CIT: variants seen among roughly 807,000 people sequenced by gnomAD.
CIT encodes the protein citron rho-interacting serine/threonine kinase, also known as citron Rho-interacting kinase.
In CIT, 79 loss-of-function variants were observed where a neutral mutation model predicts 272.7. The ratio of observed to expected loss-of-function variants is 0.29; its 90% CI spans 0.24 to 0.35. CIT has a LOEUF of 0.35. Among genes scored for constraint, CIT ranks in the 10% least tolerant of loss-of-function variants. CIT has a pLI of 1.00. For missense variants in CIT, 1,909 were observed against 2,618.3 expected (o/e 0.73, Z 5.91); for synonymous variants, 948 against 995.6 (o/e 0.95, Z 0.90).
chr12:119,713,150 G>A lies in CIT; in HGVS notation c.4579+53C>T. The A allele has an allele frequency of 7.3e-7, 1 of 1,376,344 alleles. No individual in the cohort carries two copies. Among genetic ancestry groups the A allele is most frequent in the Non-Finnish European group, 1.0e-6 (1 of 973,998 alleles). 85.3% of individuals were successfully genotyped at this position (1,376,344 alleles called of 1,614,324 possible). ...AACAAAGCCTTCGCGCCAGCACTGG[G>A]GAGACCTGGGTTAGCCACGTGCAAT... On this transcript the variant is annotated intron_variant, in intron 35 of 47. Coordinates refer to ENST00000392521, the MANE Select transcript of CIT (RefSeq NM_001206999.2). This position sits in a 1 kb window ranked among gnomAD's most constrained non-coding sequence, Gnocchi z 5.2.
rs1253459727 is a variant in CIT, at chr12:119,713,308, G to A, written c.4488-14C>T. On this transcript the variant is annotated splice_polypyrimidine_tract_variant and intron_variant, in intron 34 of 47. Coordinates refer to ENST00000392521, the MANE Select transcript of CIT (RefSeq NM_001206999.2). This position sits in a 1 kb window ranked among gnomAD's most constrained non-coding sequence, Gnocchi z 5.2. ...CGTTTGTTATTCCTGGGGAAAGAAAGATGGAAAAGAAAAATGTCTGAACTC... is the reference window on the plus strand; with the variant it reads ...CGTTTGTTATTCCTGGGGAAAGAAAAATGGAAAAGAAAAATGTCTGAACTC... 6.2e-7 allele frequency: 1 copy of A among 1,611,790 alleles called. No individual in the cohort carries two copies. The highest frequency in any genetic ancestry group is 1.7e-5 in the Admixed American group (1 of 59,874).
chr12:119,771,256 T>C (rs1172992435), intron 17 of CIT, among the ~76,000 whole-genome samples: 2 of 152,080 alleles, frequency 1.3e-5, no homozygotes, highest in Admixed American at 1.3e-4. Context: ...GGAAGAACCA[T>C]AAAGCAAAGA....
At chr12:119,789,867 A>G (rs1372946049) in intron 10 of CIT, among the ~76,000 whole-genome samples, 1 of 150,240 alleles carries the variant, frequency 6.7e-6, no homozygotes, top group Non-Finnish European at 1.5e-5. Context: ...CACCACGCCC[A>G]GCAAATTTTT....
At chr12:119,823,815 G>A (rs576968884) in intron 8 of CIT, among the ~76,000 whole-genome samples, 5 of 151,960 alleles carry the variant, frequency 3.3e-5, no homozygotes, top group East Asian at 3.9e-4. Flanking sequence ...CGAGGCAGGC[G>A]GATCACCTAA....
At chr12:119,740,877 G>T (rs1294077266) in intron 24 of CIT, among the ~76,000 whole-genome samples, 1 of 152,116 alleles carries the variant, frequency 6.6e-6, no homozygotes, top group Non-Finnish European at 1.5e-5. Flanking sequence ...GACATTTTAA[G>T]GCAGGCCCAT....
chr12:119,736,879 A>G (rs1958795423), intron 24 of CIT, among the ~76,000 whole-genome samples: 1 of 152,056 alleles, frequency 6.6e-6, no homozygotes, highest in African/African-American at 2.4e-5. Flanking sequence ...TCCTCCCCCT[A>G]CCTCTTTCCC....
chr12:119,690,458 G>A lies in CIT; in HGVS notation c.5883-4C>T. ...TGGGCCTCGCTTGTTGGGGCTGCTGGCGACACAAGAGGAACGTAGGGAGCT... is the reference window on the plus strand; with the variant it reads ...TGGGCCTCGCTTGTTGGGGCTGCTGACGACACAAGAGGAACGTAGGGAGCT... On this transcript the variant is annotated splice_polypyrimidine_tract_variant and splice_region_variant and intron_variant, in intron 46 of 47. Coordinates refer to ENST00000392521, the MANE Select transcript of CIT (RefSeq NM_001206999.2). This position sits in a 1 kb window ranked among gnomAD's most constrained non-coding sequence, Gnocchi z 6.0. The A allele has an allele frequency of 6.3e-7, 1 of 1,581,042 alleles. No individual in the cohort carries two copies. Among genetic ancestry groups the A allele is most frequent in the African/African-American group, 1.3e-5 (1 of 74,212 alleles).
intron 3 of CIT, among the ~76,000 whole-genome samples, chr12:119,858,271 C>T (rs1330711133): frequency 1.3e-5 from 2 of 152,182 alleles, no homozygotes; most frequent in Non-Finnish European, 2.9e-5. Context: ...AATCCCAACA[C>T]TTTGGGAGGC....
intron 18 of CIT, 138 bp from the exon 19 acceptor site, chr12:119,767,320 C>G: frequency 1.6e-6 from 1 of 626,394 alleles, no homozygotes; most frequent in Non-Finnish European, 2.7e-6. Flanking sequence ...TAGCCTAAGG[C>G]TCTTGGGAAG....
rs563453979 is a variant in CIT at position 119,768,428 on chromosome 12, T to C, written c.2209-1246A>G. On this transcript the variant is annotated intron_variant, in intron 18 of 47. Transcript: ENST00000392521. This position sits in a 1 kb window ranked among gnomAD's most constrained non-coding sequence, Gnocchi z 4.3. ...AAGTTTTCAACTCTTTATACTATTA[T>C]GAAATTTTTCTTTGAAGTGGAAGCA... 5.9e-5 allele frequency among the ~76,000 whole-genome samples: 9 copies of C among 152,300 alleles called. No homozygotes were observed. The highest frequency in any genetic ancestry group is 1.9e-4 in the African/African-American group (8 of 41,532).
chr12:119,717,684 G>A (rs1211167639), intron 32 of CIT, among the ~76,000 whole-genome samples: 1 of 151,680 alleles, frequency 6.6e-6, no homozygotes, highest in Non-Finnish European at 1.5e-5. Context: ...GCATCCCAAA[G>A]TGCTGGGATT....
chr12:119,744,673 C>T (rs1959183762), intron 23 of CIT, among the ~76,000 whole-genome samples: 1 of 146,882 alleles, frequency 6.8e-6, no homozygotes, highest in African/African-American at 2.6e-5. Context: ...TGAGATCACG[C>T]CACCACACTC....
chr12:119,833,704 G>A (rs1968806056), intron 6 of CIT, among the ~76,000 whole-genome samples: 2 of 151,056 alleles, frequency 1.3e-5, no homozygotes, highest in Non-Finnish European at 2.9e-5. Context: ...ATTCTAACGG[G>A]CAGAGTTAGA....
chr12:119,803,850 C>G (rs1162084293), intron 9 of CIT, among the ~76,000 whole-genome samples: 2 of 152,122 alleles, frequency 1.3e-5, no homozygotes, highest in Non-Finnish European at 2.9e-5. Context: ...GATGGAACTT[C>G]TACATTTCGT....
intron 3 of CIT, among the ~76,000 whole-genome samples, chr12:119,868,657 C>A (rs1054360037): frequency 2.9e-4 from 44 of 152,190 alleles, no homozygotes; most frequent in Non-Finnish European, 2.6e-4. Context: ...CCCACCTCAG[C>A]CTCCTCAGCA....
chr12:119,861,865 T>A lies in CIT; in HGVS notation c.239-4167A>T, dbSNP rs555109319. 1.6e-4 allele frequency among the ~76,000 whole-genome samples: 24 copies of A among 152,322 alleles called. No individual in the cohort carries two copies. In the South Asian group the frequency reaches 4.8e-3, roughly 30 times the overall value. ...ACCTAAAGGTTCATCAACAGAAAAG[T>A]TGAAACAACCTACAAGTCCGCCCAT... On this transcript the variant is annotated intron_variant, in intron 3 of 47. Transcript: ENST00000392521.
chr12:119,768,904 T>G lies in CIT; in HGVS notation c.2209-1722A>C, dbSNP rs1593666237. Among the ~76,000 whole-genome samples, 1 of 152,284 alleles carries G rather than the reference T, an allele frequency of 6.6e-6. No homozygotes were observed. The highest frequency in any genetic ancestry group is 1.5e-5 in the Non-Finnish European group (1 of 68,018). ...TACATAATGGTACTAAGGACCACTC[T>G]TTGCCCACCTCCTAGATACTTTGCA... On this transcript the variant is annotated intron_variant, in intron 18 of 47. Coordinates refer to ENST00000392521, the MANE Select transcript of CIT (RefSeq NM_001206999.2). The surrounding 1 kb of genome is among the most constrained non-coding windows in gnomAD (Gnocchi z 4.3).
rs781684275 is a variant in CIT at position 119,752,208 on chromosome 12, G to A, written c.2746C>T (p.Arg916Cys). The change falls in exon 23 of 48, where the codon CGC becomes TGC. Residue 916 changes from arginine (R) to cysteine (C), a missense_variant. Arg to Cys is a radical substitution (Grantham distance 180, BLOSUM62 -3). Transcript: ENST00000392521. ...EHEEQKLELKRQLTELQLSLQ... is the reference protein window; with the variant it reads ...EHEEQKLELKCQLTELQLSLQ... ...GAGAGCTGTAGCTCTGTGAGCTGGC[G>A]CTTGAGCTCCAGTTTCTGCTCCTCG... 5 of 1,610,220 alleles carry A rather than the reference G, an allele frequency of 3.1e-6. No homozygotes were observed. The highest frequency in any genetic ancestry group is 1.7e-5 in the Admixed American group (1 of 59,980).
intron 5 of CIT, 69 bp from the exon 6 acceptor site, chr12:119,834,297 C>T (rs1968849199): frequency 1.5e-6 from 2 of 1,338,236 alleles, no homozygotes; most frequent in Non-Finnish European, 2.1e-6. Flanking sequence ...ATTAGATCCT[C>T]GAATATCACC....
Sources: allele counts gnomAD v4.1 joint callset (sites outside exome capture counted in the v4.1 genomes callset), GRCh38; gene constraint gnomAD v4.1.1; non-coding constraint Gnocchi (gnomAD v3.1); transcripts MANE v1.5; gene names NCBI Gene and HGNC (gene_info 2026-07-23, HGNC 2026-07-21).